EPHA3: variants seen among roughly 807,000 people sequenced by gnomAD.
EPHA3 encodes EPH receptor A3.
Under a neutral mutation model 107.1 loss-of-function variants are expected in EPHA3, and 42 were observed. The ratio of observed to expected loss-of-function variants is 0.39; its 90% CI spans 0.31 to 0.51. The LOEUF (loss-of-function observed/expected upper bound fraction) is 0.51. Among genes scored for constraint, EPHA3 ranks in the 20% least tolerant of loss-of-function variants. The pLI is 0.78. For synonymous variants in EPHA3, 461 were observed against 424.8 expected, an observed-to-expected ratio of 1.09 and a Z score of -1.05; for missense variants, 1,183 against 1,211.2, an observed-to-expected ratio of 0.98 and a Z score of 0.35.
chr3:89,370,792 G>A (rs192103213), intron 5 of EPHA3, among the ~76,000 whole-genome samples: 33 of 151,782 alleles, frequency 2.2e-4, no homozygotes, highest in Non-Finnish European at 3.7e-4. Context: ...GAGAAAAACA[G>A]GAAGAAAGTA....
chr3:89,282,066 G>T (rs1417403241), intron 3 of EPHA3, among the ~76,000 whole-genome samples: 2 of 152,120 alleles, frequency 1.3e-5, no homozygotes, highest in Non-Finnish European at 2.9e-5. Flanking sequence ...TATTCGTGCA[G>T]TTTCATTCAG....
intron 3 of EPHA3, among the ~76,000 whole-genome samples, chr3:89,266,412 A>T (rs1705539178): frequency 6.6e-6 from 1 of 152,144 alleles, no homozygotes; most frequent in Non-Finnish European, 1.5e-5. Flanking sequence ...TTATCTTCAC[A>T]TTATTAGACT....
chr3:89,447,256 A>G (rs184273764), intron 13 of EPHA3, among the ~76,000 whole-genome samples: 38 of 152,228 alleles, frequency 2.5e-4, no homozygotes, highest in African/African-American at 7.9e-4. Context: ...GTTTTACTTC[A>G]TCAGTAGAAA....
intron 15 of EPHA3, among the ~76,000 whole-genome samples, chr3:89,467,922 C>T (rs1710319123): frequency 6.6e-6 from 1 of 152,158 alleles, no homozygotes; most frequent in African/African-American, 2.4e-5. Context: ...GGATTGAAAC[C>T]TATCTAATTT....
At chr3:89,449,851 A>G (rs1383485230) in intron 14 of EPHA3, among the ~76,000 whole-genome samples, 1 of 152,210 alleles carries the variant, frequency 6.6e-6, no homozygotes, top group Non-Finnish European at 1.5e-5. Flanking sequence ...TGTTTTCCAT[A>G]GAGAACTATA....
chr3:89,203,639 C>T (rs1463036277), intron 2 of EPHA3, among the ~76,000 whole-genome samples: 3 of 151,766 alleles, frequency 2.0e-5, no homozygotes, highest in East Asian at 3.9e-4. Context: ...CAGCCGGGCG[C>T]AGTGGCGGGC....
chr3:89,259,376 T>A (rs1477846276), intron 3 of EPHA3, among the ~76,000 whole-genome samples: 2 of 152,144 alleles, frequency 1.3e-5, no homozygotes, highest in Admixed American at 1.3e-4. Context: ...AATTTTGTAA[T>A]AAAACAAGAA....
chr3:89,118,541 A>G (rs1401216125), intron 1 of EPHA3, among the ~76,000 whole-genome samples: 1 of 151,924 alleles, frequency 6.6e-6, no homozygotes, highest in Non-Finnish European at 1.5e-5. Context: ...ATGTTTGGCC[A>G]GGTGTGTAGT....
At position 89,480,842 on chromosome 3, in the gene EPHA3, A is replaced by G. The variant is rs1710608390; in HGVS notation, c.*1340A>G. ...ATGGTGCAGTTTTGGTGTGTAACTT[A>G]GAAGGATTGAACTTCTTTGAATTTA... On this transcript the variant is annotated 3_prime_UTR_variant, in exon 17 of 17. Transcript: ENST00000336596. 4.3e-6 allele frequency: 1 copy of G among 232,340 alleles called. No homozygotes were observed. The highest frequency in any genetic ancestry group is 1.8e-4 in the South Asian group (1 of 5,526). 14.4% of individuals were successfully genotyped at this position (232,340 alleles called of 1,614,324 possible).
chr3:89,348,346 G>A (rs1559657565), intron 5 of EPHA3, among the ~76,000 whole-genome samples: 1 of 137,534 alleles, frequency 7.3e-6, no homozygotes, highest in Non-Finnish European at 1.6e-5. Context: ...AGTCTTGGGA[G>A]AGTGTATGTG....
At chr3:89,264,714 G>A (rs1301073347) in intron 3 of EPHA3, among the ~76,000 whole-genome samples, 1 of 152,074 alleles carries the variant, frequency 6.6e-6, no homozygotes, top group Non-Finnish European at 1.5e-5. Flanking sequence ...ATAGGTCTAT[G>A]CTTGCCACAT....
rs76728876 is a variant in EPHA3 at position 89,132,631 on chromosome 3, A to T, written c.153+5358A>T. Among the ~76,000 whole-genome samples the T allele has an allele frequency of 1.9e-3, 289 of 152,322 alleles. 7 individuals are homozygous for T. The East Asian group carries it at 0.046, about 24-fold the overall frequency. On this transcript the variant is annotated intron_variant, in intron 2 of 16. Coordinates refer to ENST00000336596, the MANE Select transcript of EPHA3 (RefSeq NM_005233.6). ...ATACCTGTAATCCCAGCGCTTTGAGAGACCAAGGCAGGAGAATCACTTGAG... is the reference window on the plus strand; with the variant it reads ...ATACCTGTAATCCCAGCGCTTTGAGTGACCAAGGCAGGAGAATCACTTGAG...
intron 3 of EPHA3, among the ~76,000 whole-genome samples, chr3:89,306,726 G>T (rs1454777377): frequency 1.3e-5 from 2 of 152,126 alleles, no homozygotes; most frequent in African/African-American, 2.4e-5. Flanking sequence ...ATAATGCTGA[G>T]AAAAGCCCTG....
chr3:89,481,760 C>T lies in EPHA3; in HGVS notation c.*2258C>T, dbSNP rs1367610679. On this transcript the variant is annotated 3_prime_UTR_variant, in exon 17 of 17. Transcript: ENST00000336596. ...GTAAACATAAGTGTACGATTCTTAA[C>T]CATGGAGTAGAGGTACTAGAATGCT... is the stretch of plus-strand genomic sequence containing the variant. 1.7e-5 allele frequency: 4 copies of T among 231,818 alleles called. No individual in the cohort carries two copies. Among genetic ancestry groups the T allele is most frequent in the Non-Finnish European group, 3.4e-5 (4 of 117,046 alleles). The allele number at this position is 231,818 out of a possible 1,614,324, so 14.4% of individuals were successfully genotyped here.
At chr3:89,256,234 G>C (rs1705282122) in intron 3 of EPHA3, among the ~76,000 whole-genome samples, 1 of 151,610 alleles carries the variant, frequency 6.6e-6, no homozygotes, top group South Asian at 2.1e-4. Flanking sequence ...CTGGGCAGTA[G>C]AGTGAGACTC....
chr3:89,409,509 T>C (rs1576364117), intron 9 of EPHA3, among the ~76,000 whole-genome samples: 1 of 152,014 alleles, frequency 6.6e-6, no homozygotes, highest in South Asian at 2.1e-4. Context: ...GTGTGCCAAT[T>C]ATTAAACAGG....
At chr3:89,172,000 T>A in intron 2 of EPHA3, among the ~76,000 whole-genome samples, 1 of 152,204 alleles carries the variant, frequency 6.6e-6, no homozygotes, top group Admixed American at 6.5e-5. Flanking sequence ...TTCCATTCGC[T>A]TTTGTTTCTT....
intron 2 of EPHA3, among the ~76,000 whole-genome samples, chr3:89,207,672 C>T (rs1706139712): frequency 6.6e-6 from 1 of 152,004 alleles, no homozygotes; most frequent in African/African-American, 2.4e-5. Context: ...ATTATTAATG[C>T]TTTATTGGAG....
At chr3:89,211,776 C>G (rs1231792903) in intron 3 of EPHA3, among the ~76,000 whole-genome samples, 1 of 138,288 alleles carries the variant, frequency 7.2e-6, no homozygotes, top group Admixed American at 7.7e-5. Flanking sequence ...TCTTCTTCTT[C>G]TTCTTCTTCT....
Sources: allele counts gnomAD v4.1 joint callset (sites outside exome capture counted in the v4.1 genomes callset), GRCh38; gene constraint gnomAD v4.1.1; transcripts MANE v1.5; gene names NCBI Gene and HGNC (gene_info 2026-07-23, HGNC 2026-07-21).